NEGR1: variants seen among roughly 807,000 people sequenced by gnomAD.
NEGR1 encodes neuronal growth regulator 1.
A neutral mutation model predicts 40.9 loss-of-function variants in NEGR1; 10 were observed. The ratio of observed to expected loss-of-function variants is 0.24; its 90% CI spans 0.15 to 0.42. The LOEUF is 0.42. NEGR1 is among the 10% of genes least tolerant of loss of function. The pLI, the probability that NEGR1 is intolerant of heterozygous loss-of-function variation, is 1.00. For missense variants in NEGR1, 352 were observed against 438.9 expected (o/e 0.80, Z 1.77); for synonymous variants, 185 against 166.8 (o/e 1.11, Z -0.84).
intron 6 of NEGR1, among the ~76,000 whole-genome samples, chr1:71,513,875 C>T (rs555363134): frequency 3.0e-4 from 44 of 148,110 alleles, no homozygotes; most frequent in Middle Eastern, 3.5e-3. Flanking sequence ...GCGCACCGTG[C>T]GCGAGCCGAA....
intron 3 of NEGR1, among the ~76,000 whole-genome samples, chr1:71,774,577 A>G (rs1201972841): frequency 3.9e-5 from 6 of 152,214 alleles, no homozygotes; most frequent in Admixed American, 1.3e-4. Context: ...AAACATTAGC[A>G]GATAAAATAC....
At chr1:71,596,049 A>C (rs1037658865) in intron 5 of NEGR1, among the ~76,000 whole-genome samples, 17 of 133,602 alleles carry the variant, frequency 1.3e-4, no homozygotes, top group African/African-American at 4.6e-4. Context: ...TGCCACAAAA[A>C]AAAAAAAAAA....
intron 1 of NEGR1, among the ~76,000 whole-genome samples, chr1:72,033,664 A>C (rs1228728139): frequency 1.3e-5 from 2 of 152,200 alleles, no homozygotes; most frequent in African/African-American, 4.8e-5. Flanking sequence ...AGTGACATCA[A>C]TGTATGAGAC....
intron 2 of NEGR1, among the ~76,000 whole-genome samples, chr1:71,897,167 A>G (rs1183581168): frequency 6.6e-6 from 1 of 151,948 alleles, no homozygotes; most frequent in East Asian, 1.9e-4. Flanking sequence ...TAGAATATAT[A>G]TATATATACT....
chr1:72,032,348 T>C (rs12569128), intron 1 of NEGR1, among the ~76,000 whole-genome samples: 3,017 of 152,204 alleles, frequency 0.02, 69 homozygotes, highest in East Asian at 0.1. Flanking sequence ...CACAGAATAA[T>C]GGGCAGAGTA....
chr1:71,702,165 T>C (rs1557619673), intron 3 of NEGR1, among the ~76,000 whole-genome samples: 2 of 152,142 alleles, frequency 1.3e-5, no homozygotes, highest in South Asian at 2.1e-4. Flanking sequence ...CAACTCAAAA[T>C]CAATTGTTTC....
intron 6 of NEGR1, among the ~76,000 whole-genome samples, chr1:71,476,444 T>G (rs778823962): frequency 1.3e-5 from 2 of 152,150 alleles, no homozygotes; most frequent in Non-Finnish European, 2.9e-5. Context: ...GAGGTAATCT[T>G]GAAGTCCTGG....
intron 1 of NEGR1, among the ~76,000 whole-genome samples, chr1:72,001,700 T>TA (rs1241097768): frequency 2.0e-5 from 3 of 150,782 alleles, no homozygotes; most frequent in African/African-American, 7.3e-5. Flanking sequence ...CATGCAATCT[T>TA]ATAGATAGTA....
intron 1 of NEGR1, among the ~76,000 whole-genome samples, chr1:71,940,509 G>A (rs936672053): frequency 6.6e-6 from 1 of 152,140 alleles, no homozygotes; most frequent in Admixed American, 6.6e-5. Context: ...GAAATAGCTT[G>A]AACATTTCTT....
intron 1 of NEGR1, among the ~76,000 whole-genome samples, chr1:72,086,185 C>G (rs1648214555): frequency 6.6e-6 from 1 of 152,092 alleles, no homozygotes. Flanking sequence ...ATTTGAATTA[C>G]TAGTTACACG....
At chr1:72,228,694 C>G (rs571491955) in intron 1 of NEGR1, among the ~76,000 whole-genome samples, 3 of 152,198 alleles carry the variant, frequency 2.0e-5, no homozygotes, top group Admixed American at 6.6e-5. Flanking sequence ...ATGGATACAT[C>G]TATAGACCAA....
chr1:72,031,188 G>A (rs953911738), intron 1 of NEGR1, among the ~76,000 whole-genome samples: 1 of 152,176 alleles, frequency 6.6e-6, no homozygotes, highest in African/African-American at 2.4e-5. Context: ...CAGCTTGCTG[G>A]AGAGATGGGA....
At chr1:71,600,901 C>T (rs934903838) in intron 5 of NEGR1, among the ~76,000 whole-genome samples, 1 of 152,158 alleles carries the variant, frequency 6.6e-6, no homozygotes, top group Non-Finnish European at 1.5e-5. Context: ...GCAGTACTAA[C>T]CCCTTGATTC....
intron 6 of NEGR1, among the ~76,000 whole-genome samples, chr1:71,411,537 T>C (rs536710493): frequency 1.3e-5 from 2 of 152,266 alleles, no homozygotes; most frequent in South Asian, 4.2e-4. Flanking sequence ...CTATTTACCT[T>C]AAGTAAAATT....
At chr1:71,663,855 T>C (rs1279179459) in intron 4 of NEGR1, among the ~76,000 whole-genome samples, 2 of 152,228 alleles carry the variant, frequency 1.3e-5, no homozygotes, top group Admixed American at 1.3e-4. Flanking sequence ...AGCTTTCCTC[T>C]GCAGGTGGAT....
At chr1:71,681,746 A>G (rs903547739) in intron 4 of NEGR1, among the ~76,000 whole-genome samples, 5 of 152,150 alleles carry the variant, frequency 3.3e-5, no homozygotes. Flanking sequence ...TATACTTTAT[A>G]CATTTTAGAC....
intron 1 of NEGR1, among the ~76,000 whole-genome samples, chr1:72,065,883 T>G (rs1464073462): frequency 6.6e-6 from 1 of 152,112 alleles, no homozygotes; most frequent in African/African-American, 2.4e-5. Flanking sequence ...CAGAGGTTAT[T>G]AAATGATGTG....
intron 6 of NEGR1, among the ~76,000 whole-genome samples, chr1:71,454,044 C>A (rs1646652136): frequency 6.6e-6 from 1 of 152,290 alleles, no homozygotes; most frequent in African/African-American, 2.4e-5. Flanking sequence ...AGCCATAATT[C>A]ATGAGCTCAC....
chr1:71,407,722 G>A (rs1459575950), intron 6 of NEGR1, 152 bp from the exon 7 acceptor site: 1 of 641,956 alleles, frequency 1.6e-6, no homozygotes, highest in East Asian at 2.9e-5. Context: ...ATATGACAAC[G>A]TGTGGGCTAT....
Sources: gnomAD v4.1 joint callset for allele counts (sites outside exome capture counted in the v4.1 genomes callset) on GRCh38, gnomAD v4.1.1 for gene constraint, MANE v1.5 for transcripts, NCBI Gene and HGNC (gene_info 2026-07-23, HGNC 2026-07-21) for gene names.